Variants in NHERF4 observed in about 807,000 individuals in gnomAD.
NHERF4 encodes the protein NHERF family PDZ scaffold protein 4.
the NHERF4 span, chr11:119,188,212 C>T: frequency 2.0e-6 from 3 of 1,529,398 alleles, no homozygotes; most frequent in East Asian, 7.1e-5. Flanking sequence ...CGTATATACA[C>T]CTTTCAGTGC....
At chr11:119,187,737 C>A in the NHERF4 span, 1 of 1,473,978 alleles carries the variant, frequency 6.8e-7, no homozygotes, top group Non-Finnish European at 9.0e-7. Flanking sequence ...TCCCCCAATC[C>A]GGGCCTGGGC....
At chr11:119,189,555 T>C in the NHERF4 span, 1 of 1,563,998 alleles carries the variant, frequency 6.4e-7, no homozygotes, top group Non-Finnish European at 8.8e-7. This position sits in a 1 kb window ranked among gnomAD's most constrained non-coding sequence, Gnocchi z 5.8. Flanking sequence ...CAGCCTGAGG[T>C]GGTGAAGGCA....
At chr11:119,189,419 T>G in the NHERF4 span, 1 of 1,610,544 alleles carries the variant, frequency 6.2e-7, no homozygotes, top group Non-Finnish European at 8.5e-7. The surrounding 1 kb of genome is among the most constrained non-coding windows in gnomAD (Gnocchi z 5.8). Flanking sequence ...GGAACTCTTC[T>G]GGGTCCCACC....
the NHERF4 span, chr11:119,187,238 A>G: frequency 6.5e-7 from 1 of 1,548,778 alleles, no homozygotes; most frequent in Admixed American, 1.9e-5. Context: ...GAGGGTCTAG[A>G]CCAAACCCAC....
the NHERF4 span, chr11:119,188,030 C>T: frequency 2.6e-6 from 4 of 1,557,850 alleles, no homozygotes; most frequent in Non-Finnish European, 3.5e-6. Context: ...CCTGGCTGCA[C>T]CCCTGGCAGA....
At chr11:119,188,357 C>G in the NHERF4 span, 7 of 1,613,938 alleles carry the variant, frequency 4.3e-6, no homozygotes, top group South Asian at 2.2e-5. Context: ...TGCCCCAGGA[C>G]AGTTCCTGTG....
At chr11:119,188,482 G>C in the NHERF4 span, 4 of 1,610,842 alleles carry the variant, frequency 2.5e-6, no homozygotes, top group Non-Finnish European at 3.4e-6. Flanking sequence ...CAGTGTCCAG[G>C]ATCCAGGGGC....
chr11:119,185,784 G>A, the NHERF4 span: 791 of 1,101,254 alleles, frequency 7.2e-4, 1 homozygote, highest in Non-Finnish European at 9.6e-4. Context: ...GAGAAGAGAA[G>A]ACCCCTTTGG....
At chr11:119,188,373 T>G in the NHERF4 span, 10 of 1,613,738 alleles carry the variant, frequency 6.2e-6, no homozygotes, top group Non-Finnish European at 7.6e-6. Flanking sequence ...CTGTGGGAGG[T>G]GGACCCGGGA....
At chr11:119,188,847 C>T in the NHERF4 span, 1 of 1,614,172 alleles carries the variant, frequency 6.2e-7, no homozygotes, top group East Asian at 2.2e-5. Context: ...GGCCAGTGGG[C>T]CTCGTCTCTT....
the NHERF4 span, chr11:119,185,863 A>G: frequency 2.5e-6 from 4 of 1,610,206 alleles, no homozygotes; most frequent in African/African-American, 5.3e-5. Flanking sequence ...TGCCAATGGA[A>G]GAGGCACATC....
the NHERF4 span, chr11:119,187,228 G>A: frequency 1.7e-5 from 25 of 1,465,228 alleles, no homozygotes; most frequent in Non-Finnish European, 2.3e-5. Flanking sequence ...GGGTTGGCAA[G>A]AGGGTCTAGA....
the NHERF4 span, chr11:119,186,543 CT>C: frequency 6.2e-7 from 1 of 1,614,184 alleles, no homozygotes; most frequent in Non-Finnish European, 8.5e-7. The surrounding 1 kb of genome is among the most constrained non-coding windows in gnomAD (Gnocchi z 4.4). Flanking sequence ...AGAGTTTTGG[CT>C]TCCACCTGCA....
the NHERF4 span, chr11:119,187,684 A>G: frequency 1.3e-6 from 2 of 1,519,246 alleles, no homozygotes; most frequent in Non-Finnish European, 1.8e-6. Context: ...TTCACTCACA[A>G]CCAACTCACC....
the NHERF4 span, chr11:119,189,174 T>C: frequency 6.2e-7 from 1 of 1,612,148 alleles, no homozygotes; most frequent in African/African-American, 1.3e-5. The surrounding 1 kb of genome is among the most constrained non-coding windows in gnomAD (Gnocchi z 5.8). Context: ...CTGCGGGGCT[T>C]GGAAGCCTGG....
At chr11:119,189,659 A>G in the NHERF4 span, 1 of 739,208 alleles carries the variant, frequency 1.4e-6, no homozygotes, top group Non-Finnish European at 2.3e-6. The surrounding 1 kb of genome is among the most constrained non-coding windows in gnomAD (Gnocchi z 5.8). Context: ...CCCACCTGCC[A>G]GCAGAGGGTG....
At chr11:119,187,961 G>A in the NHERF4 span, 1 of 1,572,690 alleles carries the variant, frequency 6.4e-7, no homozygotes. Context: ...TGGACAGCAG[G>A]TGACCTTGCT....
chr11:119,189,368 C>T, the NHERF4 span: 4 of 1,538,296 alleles, frequency 2.6e-6, no homozygotes, highest in South Asian at 4.5e-5. The surrounding 1 kb of genome is among the most constrained non-coding windows in gnomAD (Gnocchi z 5.8). Flanking sequence ...TGAAATAAAC[C>T]CCATTTCTGG....
At chr11:119,186,129 C>A in the NHERF4 span, 4 of 1,614,088 alleles carry the variant, frequency 2.5e-6, no homozygotes, top group Non-Finnish European at 3.4e-6. This position sits in a 1 kb window ranked among gnomAD's most constrained non-coding sequence, Gnocchi z 4.4. Flanking sequence ...CATTGATAAT[C>A]CTGTCCTCTC....
Sources: allele counts gnomAD v4.1 joint callset, GRCh38; gene constraint gnomAD v4.1.1; non-coding constraint Gnocchi (gnomAD v3.1); transcripts MANE v1.5; gene names NCBI Gene and HGNC (gene_info 2026-07-23, HGNC 2026-07-21).